PCDHA5: variants seen among roughly 807,000 people sequenced by gnomAD.
PCDHA5 encodes protocadherin alpha-5.
Under a neutral mutation model 61.6 loss-of-function variants are expected in PCDHA5, and 43 were observed. That is an observed-to-expected ratio of 0.70 (90% CI 0.55 to 0.90). The LOEUF (loss-of-function observed/expected upper bound fraction) is 0.90. Ranked by LOEUF, PCDHA5 falls within the 40% of genes least tolerant of loss-of-function variation. The probability of loss-of-function intolerance (pLI) is 0.00; values close to 1 mark genes in which losing one functional copy is unlikely to be tolerated. For missense variants in PCDHA5, 1,298 were observed against 1,222.7 expected, an observed-to-expected ratio of 1.06 and a Z score of -0.92; for synonymous variants, 627 against 543.9, an observed-to-expected ratio of 1.15 and a Z score of -2.13.
rs1554149409 is a variant in PCDHA5 at position 140,857,004 on chromosome 5, T to G, written c.2352+32877T>G. 3 of 1,595,634 alleles carry G rather than the reference T, an allele frequency of 1.9e-6. No individual in the cohort carries two copies. The South Asian group carries it at 3.3e-5, about 18-fold the overall frequency. ...GACAGTAACACTTATGAAATTCATG[T>G]AGATGTTACAGATAAGGGAAACCCA... On this transcript the variant is annotated intron_variant, in intron 1 of 3. Coordinates refer to ENST00000529859, the MANE Select transcript of PCDHA5 (RefSeq NM_018908.3).
At chr5:140,957,043 A>C (rs2095328677) in intron 1 of PCDHA5, among the ~76,000 whole-genome samples, 3 of 152,196 alleles carry the variant, frequency 2.0e-5, no homozygotes, top group Admixed American at 2.0e-4. Flanking sequence ...GGAGTCATAT[A>C]AAATAAATTA....
chr5:140,928,296 T>C (rs2085128137), intron 1 of PCDHA5: 6 of 1,614,054 alleles, frequency 3.7e-6, no homozygotes, highest in African/African-American at 1.3e-5. Flanking sequence ...GCCGAGTGTT[T>C]GCCCAGGACC....
In PCDHA5 at chr5:140,822,942, G is replaced by A; in HGVS notation, c.1167G>A (p.Met389Ile). The A allele has an allele frequency of 1.2e-6, 2 of 1,614,212 alleles. No individual in the cohort carries two copies. Among genetic ancestry groups the A allele is most frequent in the African/African-American group, 1.3e-5 (1 of 75,058 alleles). ...GANGQVTCSL[M>I]PHVPFKLVST... ...ACGGGCAGGTGACCTGCTCCCTAAT[G>A]CCCCACGTTCCCTTCAAGCTGGTGT... Residue 389 changes from methionine to isoleucine, a missense_variant, in exon 1 of 4, where the codon ATG becomes ATA. Coordinates refer to ENST00000529859, the MANE Select transcript of PCDHA5 (RefSeq NM_018908.3).
chr5:140,931,409 A>G (rs1172534741), intron 1 of PCDHA5, among the ~76,000 whole-genome samples: 1 of 152,082 alleles, frequency 6.6e-6, no homozygotes, highest in African/African-American at 2.4e-5. Flanking sequence ...AGGAAGGCTG[A>G]TGAATCTAGA....
chr5:140,958,867 T>A (rs1312043891), intron 1 of PCDHA5, among the ~76,000 whole-genome samples: 1 of 152,146 alleles, frequency 6.6e-6, no homozygotes, highest in Admixed American at 6.5e-5. Context: ...ACTGGGTTTA[T>A]AAAAGAATTG....
chr5:140,895,838 TCTCA>T (rs1554186667), intron 1 of PCDHA5, among the ~76,000 whole-genome samples: 2 of 152,136 alleles, frequency 1.3e-5, no homozygotes, highest in Admixed American at 1.3e-4. Context: ...TCAGACAAAG[TCTCA>T]CTCTTGTACC....
chr5:140,956,774 C>A (rs1232431991), intron 1 of PCDHA5, among the ~76,000 whole-genome samples: 2 of 152,070 alleles, frequency 1.3e-5, no homozygotes, highest in Non-Finnish European at 2.9e-5. Flanking sequence ...TCTGTCTGGT[C>A]CTGGGCTTTG....
intron 1 of PCDHA5, chr5:140,928,055 C>T (rs1554205406): frequency 8.1e-6 from 13 of 1,614,066 alleles, no homozygotes; most frequent in South Asian, 3.3e-5. Context: ...TTTCAGCTGA[C>T]GGCTTCCTTT....
chr5:140,843,552 C>G (rs2150362585), intron 1 of PCDHA5: 1 of 1,595,800 alleles, frequency 6.3e-7, no homozygotes, highest in Non-Finnish European at 8.6e-7. Context: ...TGCTCCAGTG[C>G]GGTGGGGAGC....
intron 1 of PCDHA5, chr5:140,863,608 T>A (rs548888922): frequency 5.7e-6 from 2 of 349,702 alleles, no homozygotes; most frequent in Non-Finnish European, 1.1e-5. Flanking sequence ...CCTATTAATG[T>A]CCCTCATAGT....
intron 1 of PCDHA5, chr5:140,861,256 C>T (rs553582293): frequency 1.8e-5 from 3 of 166,694 alleles, no homozygotes; most frequent in African/African-American, 7.2e-5. Flanking sequence ...GCCAGGAATC[C>T]CGGAGCCTAC....
chr5:140,876,960 G>A (rs781808609), intron 1 of PCDHA5: 4 of 1,613,122 alleles, frequency 2.5e-6, no homozygotes, highest in East Asian at 4.5e-5. Context: ...CGCTGGTGGA[G>A]CGGCGGGTGG....
At chr5:140,867,282 C>T (rs921833641) in intron 1 of PCDHA5, 6 of 152,010 alleles carry the variant, frequency 3.9e-5, no homozygotes, top group African/African-American at 7.2e-5. Flanking sequence ...ACCTGATGTG[C>T]TTCAAATATC....
Position 140,880,816 on chromosome 5 carries a change from G to A in PCDHA5, c.2352+56689G>A, listed in dbSNP as rs3806840. On this transcript the variant is annotated intron_variant, in intron 1 of 3. Transcript: ENST00000529859. ...ATAAATAGGTGAATGACTCTAGAGTGTCTGGAAGGGCATATTTTAAATGGT... is the reference window on the plus strand; with the variant it reads ...ATAAATAGGTGAATGACTCTAGAGTATCTGGAAGGGCATATTTTAAATGGT... Among the ~76,000 whole-genome samples the A allele has an allele frequency of 9.8e-5, 15 of 152,318 alleles. No individual in the cohort carries two copies. In the East Asian group the frequency reaches 2.9e-3, roughly 29 times the overall value.
rs1486042569 is a variant in PCDHA5 at position 140,880,105 on chromosome 5, A to G, written c.2352+55978A>G. On this transcript the variant is annotated intron_variant, in intron 1 of 3. Coordinates refer to ENST00000529859, the MANE Select transcript of PCDHA5 (RefSeq NM_018908.3). ...ATTATAGTAGGCTTAAAATCATAGAAGGATAGACAACAGGAAGCTGAAATA... is the reference window on the plus strand; with the variant it reads ...ATTATAGTAGGCTTAAAATCATAGAGGGATAGACAACAGGAAGCTGAAATA... 1.8e-4 allele frequency among the ~76,000 whole-genome samples: 28 copies of G among 152,256 alleles called. 1 individual carries two copies. Among genetic ancestry groups the G allele is most frequent in the Admixed American group, 1.8e-3 (28 of 15,292 alleles).
At chr5:140,881,336 G>A in intron 1 of PCDHA5, 1 of 985,066 alleles carries the variant, frequency 1.0e-6, no homozygotes, top group Non-Finnish European at 1.2e-6. Context: ...CCAGGACGCC[G>A]ATTCGGGCTA....
rs2044015236 is a variant in PCDHA5, at chr5:140,856,467, C to T, written c.2352+32340C>T. On this transcript the variant is annotated intron_variant, in intron 1 of 3. Coordinates refer to ENST00000529859, the MANE Select transcript of PCDHA5 (RefSeq NM_018908.3). ...TTCTCCGTAACAGAACAAAAGCTCTCAATACCTGAATCCAGACTGCTTGAC... is the reference window on the plus strand; with the variant it reads ...TTCTCCGTAACAGAACAAAAGCTCTTAATACCTGAATCCAGACTGCTTGAC... 5 of 1,598,208 alleles carry T rather than the reference C, an allele frequency of 3.1e-6. 1 individual carries two copies. Among genetic ancestry groups the T allele is most frequent in the Non-Finnish European group, 4.3e-6 (5 of 1,167,910 alleles).
At chr5:140,916,279 C>T (rs2077510203) in intron 1 of PCDHA5, among the ~76,000 whole-genome samples, 1 of 152,228 alleles carries the variant, frequency 6.6e-6, no homozygotes, top group Admixed American at 6.5e-5. Context: ...TGTTGCTCTA[C>T]TCCACGTGGC....
intron 3 of PCDHA5, among the ~76,000 whole-genome samples, chr5:140,997,511 G>T (rs565737825): frequency 6.6e-6 from 1 of 151,992 alleles, no homozygotes; most frequent in Non-Finnish European, 1.5e-5. Flanking sequence ...ATACCTAAAC[G>T]CAGAAAAAGT....
Sources: allele counts gnomAD v4.1 joint callset (sites outside exome capture counted in the v4.1 genomes callset), GRCh38; gene constraint gnomAD v4.1.1; transcripts MANE v1.5; gene names NCBI Gene and HGNC (gene_info 2026-07-23, HGNC 2026-07-21).